R3HDM1: variants seen among roughly 807,000 people sequenced by gnomAD.
R3HDM1 encodes the protein R3H domain containing 1.
Under a neutral mutation model 141.1 loss-of-function variants are expected in R3HDM1, and 46 were observed. The observed-to-expected ratio is 0.33, with a 90% CI of 0.26 to 0.42. The LOEUF is 0.42. R3HDM1 is among the 10% of genes least tolerant of loss of function. The pLI is 1.00. For missense variants in R3HDM1, 1,184 were observed against 1,368.3 expected, an observed-to-expected ratio of 0.87 and a Z score of 2.12; for synonymous variants, 435 against 472.9, an observed-to-expected ratio of 0.92 and a Z score of 1.04.
intron 7 of R3HDM1, among the ~76,000 whole-genome samples, chr2:135,628,953 A>AT (rs1245652849): frequency 2.7e-5 from 4 of 150,618 alleles, no homozygotes; most frequent in South Asian, 4.3e-4. Flanking sequence ...TCTCGTCTTT[A>AT]TTTTTTTTAC....
At chr2:135,541,062 T>C (rs1363753866) in intron 1 of R3HDM1, among the ~76,000 whole-genome samples, 1 of 152,192 alleles carries the variant, frequency 6.6e-6, no homozygotes, top group African/African-American at 2.4e-5. Context: ...ATATCTGTTG[T>C]AAACAGATGT....
At chr2:135,709,725 T>A (rs2075405112) in intron 22 of R3HDM1, among the ~76,000 whole-genome samples, 189 bp downstream of exon 22, 1 of 152,228 alleles carries the variant, frequency 6.6e-6, no homozygotes, top group Non-Finnish European at 1.5e-5. Flanking sequence ...CTACTGCTGC[T>A]ATCACAGTAC....
chr2:135,675,480 A>C lies in R3HDM1; in HGVS notation c.2301A>C (p.Thr767=). The change falls in exon 20 of 27, where the codon ACA becomes ACC. Residue 767 remains threonine, a synonymous_variant. Transcript: ENST00000683871. The part of the protein sequence containing the change: ...GVVIPYTSVP[T]YQVSLPQGSQ... ...TCATCCCCTATACTTCAGTGCCAACATATCAGGTATATTGTCTCTTTTATG... is the reference window on the plus strand; with the variant it reads ...TCATCCCCTATACTTCAGTGCCAACCTATCAGGTATATTGTCTCTTTTATG... 6.2e-7 allele frequency: 1 copy of C among 1,612,360 alleles called. No homozygotes were observed. The highest frequency in any genetic ancestry group is 8.5e-7 in the Non-Finnish European group (1 of 1,178,720).
chr2:135,627,850 A>C (rs1317121816), intron 7 of R3HDM1, among the ~76,000 whole-genome samples: 2 of 152,196 alleles, frequency 1.3e-5, no homozygotes, highest in Admixed American at 1.3e-4. Context: ...AAACAGAAGC[A>C]TTACTATTTT....
intron 23 of R3HDM1, among the ~76,000 whole-genome samples, chr2:135,713,303 A>G: frequency 6.6e-6 from 1 of 152,222 alleles, no homozygotes; most frequent in East Asian, 1.9e-4. Flanking sequence ...TTTCATCTAT[A>G]TAATTGGGAA....
intron 19 of R3HDM1, among the ~76,000 whole-genome samples, chr2:135,664,475 A>G (rs1030737867): frequency 6.6e-6 from 1 of 152,146 alleles, no homozygotes; most frequent in Non-Finnish European, 1.5e-5. Context: ...TTTGTATTTG[A>G]ACTTAAAGAA....
At position 135,550,184 on chromosome 2, in the gene R3HDM1, T is replaced by C. The variant is rs192129959; in HGVS notation, c.-250+18551T>C. On this transcript the variant is annotated intron_variant, in intron 1 of 26. Coordinates refer to ENST00000683871, the MANE Select transcript of R3HDM1 (RefSeq NM_001378107.1). Reference sequence around the variant, plus strand: ...TATTTTTTTACACACTCCACAGCTTTTTGTGAGTGTTGATTTTCTTTTTTA... The same window carrying C: ...TATTTTTTTACACACTCCACAGCTTCTTGTGAGTGTTGATTTTCTTTTTTA... 11 of 984,922 alleles carry C rather than the reference T, an allele frequency of 1.1e-5. No individual in the cohort carries two copies. In the Admixed American group the frequency reaches 6.8e-4, roughly 60 times the overall value. 61.0% of individuals were successfully genotyped at this position (984,922 alleles called of 1,614,324 possible).
At chr2:135,559,092 T>TGC (rs1553526556) in intron 1 of R3HDM1, 83 of 829,174 alleles carry the variant, frequency 1.0e-4, no homozygotes, top group Middle Eastern at 1.3e-3. Context: ...TGTGTGTGTG[T>TGC]GCATGCGTGT....
chr2:135,626,197 G>T (rs112809893), intron 7 of R3HDM1, among the ~76,000 whole-genome samples: 56 of 120,498 alleles, frequency 4.6e-4, no homozygotes, highest in African/African-American at 2.2e-3. Flanking sequence ...GCGTGCGTGC[G>T]TGCGTGCGTG....
intron 21 of R3HDM1, among the ~76,000 whole-genome samples, chr2:135,686,494 T>C (rs895426594): frequency 1.3e-5 from 2 of 152,208 alleles, no homozygotes; most frequent in African/African-American, 2.4e-5. Flanking sequence ...CCAACACTTT[T>C]TGAGGCCAAG....
chr2:135,595,289 C>G (rs1710385355), intron 1 of R3HDM1, among the ~76,000 whole-genome samples: 1 of 152,164 alleles, frequency 6.6e-6, no homozygotes, highest in African/African-American at 2.4e-5. Context: ...ATAACTCTTC[C>G]AGCTCTCACA....
intron 14 of R3HDM1, 175 bp downstream of exon 14, chr2:135,639,297 A>T (rs1467972298): frequency 1.7e-4 from 103 of 610,568 alleles, no homozygotes; most frequent in Non-Finnish European, 6.4e-5. Flanking sequence ...ATGAGGATTC[A>T]CTCTCTGTCC....
intron 1 of R3HDM1, among the ~76,000 whole-genome samples, chr2:135,568,440 C>A (rs1255337224): frequency 1.3e-5 from 2 of 152,208 alleles, no homozygotes; most frequent in Non-Finnish European, 2.9e-5. Context: ...TCCTCCACCT[C>A]GCAGGTTCGA....
At chr2:135,596,634 T>A (rs4953953) in intron 1 of R3HDM1, among the ~76,000 whole-genome samples, 39,027 of 152,122 alleles carry the variant, frequency 0.26, 8,832 homozygotes, top group African/African-American at 0.6. Context: ...ACGTTACATT[T>A]TATGGTAGAG....
At chr2:135,600,478 G>A (rs866321501) in intron 1 of R3HDM1, among the ~76,000 whole-genome samples, 17 of 152,230 alleles carry the variant, frequency 1.1e-4, no homozygotes, top group African/African-American at 2.6e-4. Flanking sequence ...GCTGTGGTCC[G>A]TGCTCTACAT....
In R3HDM1 at chr2:135,645,441, C is replaced by T. The variant is rs756594295; in HGVS notation, c.1537C>T (p.Pro513Ser). 1.2e-6 allele frequency: 2 copies of T among 1,613,256 alleles called. No individual in the cohort carries two copies. The highest frequency in any genetic ancestry group is 1.7e-6 in the Non-Finnish European group (2 of 1,179,244). ...GTATAATCCTCCTATGACTCAACAA[C>T]CAGTTAGATCCCAAGTGCCTGGACC... ...VVYNPPMTQQPVRSQVPGPPQ... is the reference protein window; with the variant it reads ...VVYNPPMTQQSVRSQVPGPPQ... Residue 513 changes from proline (P) to serine (S), a missense_variant, in exon 16 of 27, where the codon CCA becomes TCA. By Grantham distance (74) the Pro-to-Ser change is moderately conservative. Coordinates refer to ENST00000683871, the MANE Select transcript of R3HDM1 (RefSeq NM_001378107.1).
intron 14 of R3HDM1, among the ~76,000 whole-genome samples, chr2:135,639,484 T>G (rs1432651535): frequency 6.6e-6 from 1 of 152,232 alleles, no homozygotes; most frequent in Non-Finnish European, 1.5e-5. Flanking sequence ...TAGGATTATT[T>G]AACACTGATT....
At chr2:135,668,396 T>C (rs1370634627) in intron 19 of R3HDM1, among the ~76,000 whole-genome samples, 1 of 152,270 alleles carries the variant, frequency 6.6e-6, no homozygotes, top group Non-Finnish European at 1.5e-5. Flanking sequence ...TGCTGTGTTG[T>C]ATGTTATAAT....
In R3HDM1 at chr2:135,561,063, T is replaced by G. The variant is rs542782565; in HGVS notation, c.-250+29430T>G. Among the ~76,000 whole-genome samples, 37 of 152,382 alleles carry G rather than the reference T, an allele frequency of 2.4e-4. No homozygotes were observed. The South Asian group carries it at 4.1e-3, about 17-fold the overall frequency. ...GGTACAACCAAGACAAAAGTCTTTC[T>G]GTTAATCCAGTAAGTTTTAAGGGTT... On this transcript the variant is annotated intron_variant, in intron 1 of 26. Transcript: ENST00000683871.
Sources: allele counts gnomAD v4.1 joint callset (sites outside exome capture counted in the v4.1 genomes callset), GRCh38; gene constraint gnomAD v4.1.1; transcripts MANE v1.5; gene names NCBI Gene and HGNC (gene_info 2026-07-23, HGNC 2026-07-21).